The following ZBTB7C variants were observed in gnomAD, a reference collection of about 807,000 sequenced individuals.
The protein encoded by ZBTB7C is zinc finger and BTB domain containing 7C.
In ZBTB7C, 8 loss-of-function variants were observed where a neutral mutation model predicts 25.7. That is an observed-to-expected ratio of 0.31 (90% CI 0.18 to 0.56). ZBTB7C has a LOEUF of 0.56. ZBTB7C is among the 20% of genes least tolerant of loss of function. The pLI is 0.91. For missense variants in ZBTB7C, 824 were observed against 855.2 expected (o/e 0.96, Z 0.46); for synonymous variants, 394 against 369.0 (o/e 1.07, Z -0.78).
chr18:48,331,669 G>A (rs2046345151), intron 2 of ZBTB7C, among the ~76,000 whole-genome samples: 1 of 152,140 alleles, frequency 6.6e-6, no homozygotes, highest in Admixed American at 6.5e-5. Flanking sequence ...GCCTTACCCT[G>A]AAATCTTTTT....
At chr18:48,350,727 T>A (rs2046845670) in intron 1 of ZBTB7C, 1 of 152,264 alleles carries the variant, frequency 6.6e-6, no homozygotes, top group African/African-American at 2.4e-5. Context: ...CTTGTGTTTC[T>A]ATCCCAAGAG....
At chr18:48,353,359 C>G (rs567723445) in intron 1 of ZBTB7C, among the ~76,000 whole-genome samples, 1 of 152,284 alleles carries the variant, frequency 6.6e-6, no homozygotes, top group African/African-American at 2.4e-5. Context: ...GTACAGAAAA[C>G]CCTCCTTATT....
chr18:48,271,483 CAAAT>C (rs1013837297), intron 2 of ZBTB7C, among the ~76,000 whole-genome samples: 1 of 147,716 alleles, frequency 6.8e-6, no homozygotes, highest in Non-Finnish European at 1.5e-5. Context: ...ATACATAAAT[CAAAT>C]AAATATTTAT....
chr18:48,176,616 CGTGTGTGT>C (rs10533963), intron 3 of ZBTB7C, among the ~76,000 whole-genome samples: 2 of 149,642 alleles, frequency 1.3e-5, no homozygotes, highest in African/African-American at 4.9e-5. Context: ...AGGAAATACA[CGTGTGTGT>C]GTGTGTGTGT....
intron 2 of ZBTB7C, among the ~76,000 whole-genome samples, chr18:48,308,260 C>T (rs951539937): frequency 1.3e-5 from 2 of 152,222 alleles, no homozygotes; most frequent in Admixed American, 1.3e-4. Context: ...GATTCCCCAT[C>T]TCAGAGGAAA....
intron 1 of ZBTB7C, among the ~76,000 whole-genome samples, chr18:48,401,751 G>A (rs1326863547): frequency 2.0e-5 from 3 of 152,072 alleles, no homozygotes; most frequent in African/African-American, 7.2e-5. Context: ...TTGACTCTGT[G>A]AGGCTCCACC....
At chr18:48,288,617 T>C (rs752561118) in intron 2 of ZBTB7C, among the ~76,000 whole-genome samples, 5 of 151,988 alleles carry the variant, frequency 3.3e-5, no homozygotes, top group Non-Finnish European at 7.4e-5. Flanking sequence ...GATCACACCA[T>C]TACACTCCAG....
intron 2 of ZBTB7C, among the ~76,000 whole-genome samples, chr18:48,209,304 C>G (rs964708907): frequency 3.9e-5 from 6 of 152,194 alleles, no homozygotes; most frequent in Admixed American, 1.3e-4. Context: ...TGCATCCCAA[C>G]CCAGGTACAG....
intron 3 of ZBTB7C, among the ~76,000 whole-genome samples, chr18:48,043,150 T>C (rs1463821316): frequency 6.6e-6 from 1 of 152,216 alleles, no homozygotes; most frequent in Non-Finnish European, 1.5e-5. Context: ...GAATGTAGAA[T>C]GGTACAGCTA....
intron 3 of ZBTB7C, among the ~76,000 whole-genome samples, chr18:48,174,720 C>T (rs1018838830): frequency 6.6e-6 from 1 of 152,182 alleles, no homozygotes; most frequent in African/African-American, 2.4e-5. Flanking sequence ...TGAGGAAGAC[C>T]TCTATGGGCT....
chr18:48,055,523 G>A (rs2036881095), intron 3 of ZBTB7C, among the ~76,000 whole-genome samples: 1 of 152,046 alleles, frequency 6.6e-6, no homozygotes, highest in Admixed American at 6.5e-5. Context: ...GTCTGGGGAG[G>A]GAGGGCATCG....
chr18:48,064,005 AT>A (rs2037225084), intron 3 of ZBTB7C, among the ~76,000 whole-genome samples: 1 of 152,182 alleles, frequency 6.6e-6, no homozygotes, highest in African/African-American at 2.4e-5. Flanking sequence ...TTCCAAGTAA[AT>A]GTCAACACAA....
At chr18:48,133,554 A>G (rs1229353948) in intron 3 of ZBTB7C, among the ~76,000 whole-genome samples, 1 of 152,146 alleles carries the variant, frequency 6.6e-6, no homozygotes, top group African/African-American at 2.4e-5. Context: ...AATAACATGC[A>G]GAATGTATGA....
intron 3 of ZBTB7C, among the ~76,000 whole-genome samples, chr18:48,160,782 G>C (rs1243761305): frequency 6.6e-6 from 1 of 152,084 alleles, no homozygotes; most frequent in Non-Finnish European, 1.5e-5. Context: ...CGCAGGGAGA[G>C]ACACCTGAGA....
intron 3 of ZBTB7C, among the ~76,000 whole-genome samples, chr18:48,152,000 T>C (rs2040693718): frequency 6.6e-6 from 1 of 152,056 alleles, no homozygotes; most frequent in Non-Finnish European, 1.5e-5. Context: ...GGGAGGACAC[T>C]GTAGGAGGAT....
intron 1 of ZBTB7C, among the ~76,000 whole-genome samples, chr18:48,375,372 G>A (rs1321572837): frequency 6.6e-6 from 1 of 152,220 alleles, no homozygotes; most frequent in Admixed American, 6.5e-5. Context: ...TGGACACACA[G>A]TGGGAAGGAA....
chr18:48,128,210 C>G lies in ZBTB7C; in HGVS notation c.-17+57724G>C, dbSNP rs2039869843. Among the ~76,000 whole-genome samples, 3 of 152,308 alleles carry G rather than the reference C, an allele frequency of 2.0e-5. 1 individual carries two copies. In the South Asian group the frequency reaches 6.2e-4, roughly 32 times the overall value. On this transcript the variant is annotated intron_variant, in intron 3 of 4. Transcript: ENST00000590800. ...GAACCGACTGCTCCCCGCAAGGTGC[C>G]CTCACTCTGGCCCTTCATCCTCCTC...
intron 3 of ZBTB7C, among the ~76,000 whole-genome samples, chr18:48,070,507 C>T (rs2037503137): frequency 6.6e-6 from 1 of 152,140 alleles, no homozygotes. Flanking sequence ...TTCCAAGGGC[C>T]CCCACAAAGC....
chr18:48,367,454 G>T lies in ZBTB7C; in HGVS notation c.-303-29056C>A, dbSNP rs181713964. ...ATGTGACCTGGGAGACAGCAGGATG[G>T]TGAGTTTTCTGAGTCTTCTTTTGGT... On this transcript the variant is annotated intron_variant, in intron 1 of 4. Coordinates refer to ENST00000590800, the MANE Select transcript of ZBTB7C (RefSeq NM_001318841.2). Among the ~76,000 whole-genome samples the T allele has an allele frequency of 1.7e-4, 26 of 149,512 alleles. 1 individual carries two copies. The East Asian group carries it at 5.1e-3, about 29-fold the overall frequency.
Sources: allele counts gnomAD v4.1 joint callset (sites outside exome capture counted in the v4.1 genomes callset), GRCh38; gene constraint gnomAD v4.1.1; transcripts MANE v1.5; gene names NCBI Gene and HGNC (gene_info 2026-07-23, HGNC 2026-07-21).